Variants in RAB33A observed in about 807,000 individuals in gnomAD.
The protein encoded by RAB33A is ras-related protein Rab-33A.
RAB33A carries 6 observed loss-of-function variants against 12.0 expected under a neutral mutation model. That is an observed-to-expected ratio of 0.50 (90% confidence interval 0.27 to 0.99). RAB33A has a LOEUF of 0.99. Ranked by LOEUF, RAB33A falls within the 50% of genes least tolerant of loss-of-function variation. RAB33A has a pLI of 0.11. For synonymous variants in RAB33A, 70 were observed against 82.4 expected, an observed-to-expected ratio of 0.85 and a Z score of 0.81; for missense variants, 109 against 192.0, an observed-to-expected ratio of 0.57 and a Z score of 2.55.
the RAB33A span, among the ~76,000 whole-genome samples, chrX:130,165,363 G>A: frequency 8.9e-6 from 1 of 112,367 alleles, no homozygotes; most frequent in African/African-American, 3.2e-5. Flanking sequence ...TCTCTTGAAG[G>A]TCAGGTCGGC....
the RAB33A span, among the ~76,000 whole-genome samples, chrX:130,162,651 T>C: frequency 8.9e-6 from 1 of 112,061 alleles, no homozygotes; most frequent in Non-Finnish European, 1.9e-5. Context: ...CATTTGGCAG[T>C]GTCCAGGAAG....
At chrX:130,118,088 C>T in the RAB33A span, among the ~76,000 whole-genome samples, 2 of 112,282 alleles carry the variant, frequency 1.8e-5, no homozygotes, top group African/African-American at 6.5e-5. Context: ...AGGGAGGGGC[C>T]TCCAGTCACA....
the RAB33A span, among the ~76,000 whole-genome samples, chrX:130,162,825 C>T: frequency 8.9e-6 from 1 of 111,979 alleles, no homozygotes. Context: ...TATTATAGAA[C>T]AGAAAATGTC....
upstream of RAB33A, among the ~76,000 whole-genome samples, chrX:130,168,237 C>T (rs1330607067): frequency 1.0e-5 from 1 of 96,624 alleles, no homozygotes; most frequent in Non-Finnish European, 2.1e-5. Context: ...TTTCTTGAGA[C>T]GGAGTCTCCC....
the RAB33A span, among the ~76,000 whole-genome samples, chrX:130,155,445 T>C: frequency 8.9e-6 from 1 of 112,528 alleles, no homozygotes; most frequent in African/African-American, 3.2e-5. Context: ...AGAATGTGTA[T>C]TTCATCAAAC....
chrX:130,172,294 G>A lies in RAB33A; in HGVS notation c.232G>A (p.Val78Met), dbSNP rs1169968523. ...CGGCGTGGACTTCAGGGAGAAGACC[G>A]TGGAAATCGAGGGCGAGAAGATCAA... ...TIGVDFREKT[V>M]EIEGEKIKVQ... The change falls in exon 1 of 2, where the codon GTG becomes ATG. Residue 78 changes from valine (V) to methionine (M), a missense_variant. By Grantham distance (21) the Val-to-Met change is conservative. Transcript: ENST00000257017. The A allele has an allele frequency of 2.5e-6, 3 of 1,207,562 alleles. No homozygotes were observed. Among genetic ancestry groups the A allele is most frequent in the African/African-American group, 1.7e-5 (1 of 57,415 alleles).
At chrX:130,155,164 C>T in the RAB33A span, 40 of 1,209,952 alleles carry the variant, frequency 3.3e-5, no homozygotes, top group Non-Finnish European at 4.4e-5. Flanking sequence ...ACATAATAAA[C>T]TCCTGCCCCA....
the RAB33A span, chrX:130,138,760 C>T: frequency 9.9e-6 from 8 of 810,891 alleles, no homozygotes; most frequent in Non-Finnish European, 1.5e-5. Context: ...GATAATAATA[C>T]TAGAAAGTAG....
intron 1 of RAB33A, among the ~76,000 whole-genome samples, chrX:130,172,921 G>T (rs771893911): frequency 1.6e-4 from 18 of 112,322 alleles, no homozygotes; most frequent in African/African-American, 4.8e-4. Flanking sequence ...TAAAGAAATT[G>T]AGGCAGGGTC....
chrX:130,123,080 T>C, the RAB33A span, among the ~76,000 whole-genome samples: 1 of 111,668 alleles, frequency 9.0e-6, no homozygotes, highest in Non-Finnish European at 1.9e-5. Context: ...TGGGTTCCAT[T>C]GGCAGCCTCT....
At chrX:130,157,292 AATGATGTG>A in the RAB33A span, among the ~76,000 whole-genome samples, 2 of 112,579 alleles carry the variant, frequency 1.8e-5, no homozygotes, top group Non-Finnish European at 3.7e-5. Flanking sequence ...AGAGCTATGT[AATGATGTG>A]ATGATCATAA....
chrX:130,119,622 G>C, the RAB33A span, among the ~76,000 whole-genome samples: 1 of 111,847 alleles, frequency 8.9e-6, no homozygotes, highest in African/African-American at 3.3e-5. Context: ...GGGGCTTCCA[G>C]GAATAGCTGG....
the RAB33A span, among the ~76,000 whole-genome samples, chrX:130,135,498 G>A: frequency 9.6e-6 from 1 of 103,723 alleles, no homozygotes; most frequent in Non-Finnish European, 1.9e-5. Context: ...AGGTACCTAC[G>A]TCCTTAGTTG....
intron 1 of RAB33A, among the ~76,000 whole-genome samples, chrX:130,173,186 A>G (rs1291136688): frequency 1.8e-5 from 2 of 112,205 alleles, no homozygotes; most frequent in Non-Finnish European, 3.8e-5. Flanking sequence ...TTTAATTCAG[A>G]AAAGGTAGAA....
chrX:130,161,103 G>A, the RAB33A span, among the ~76,000 whole-genome samples: 3 of 110,991 alleles, frequency 2.7e-5, no homozygotes, highest in African/African-American at 6.5e-5. Flanking sequence ...CCCAAAAGGC[G>A]TTTTCCAAAA....
chrX:130,112,719 T>G, the RAB33A span, among the ~76,000 whole-genome samples: 1 of 109,437 alleles, frequency 9.1e-6, no homozygotes, highest in South Asian at 4.0e-4. Context: ...ATACAAAAAT[T>G]AGCCGGTGTG....
At chrX:130,156,343 A>G in the RAB33A span, 1 of 1,023,596 alleles carries the variant, frequency 9.8e-7, no homozygotes, top group Admixed American at 2.4e-5. Flanking sequence ...GGCTTTTTGA[A>G]AATTTTTCCA....
At chrX:130,170,047 A>AT (rs1261529939), upstream of RAB33A, among the ~76,000 whole-genome samples, 1 of 112,449 alleles carries the variant, frequency 8.9e-6, no homozygotes, top group Non-Finnish European at 1.9e-5. Context: ...CATAAGGATG[A>AT]TTTTGGATTA....
At chrX:130,129,706 G>C in the RAB33A span, 1 of 949,496 alleles carries the variant, frequency 1.1e-6, no homozygotes, top group South Asian at 1.9e-5. Context: ...GGGGCTACCT[G>C]GGGCAGTCCC....
Sources: gnomAD v4.1 joint callset for allele counts (sites outside exome capture counted in the v4.1 genomes callset) on GRCh38, gnomAD v4.1.1 for gene constraint, MANE v1.5 for transcripts, NCBI Gene and HGNC (gene_info 2026-07-23, HGNC 2026-07-21) for gene names.